Variants in DAB1 observed in about 807,000 individuals in gnomAD.
DAB1 encodes disabled homolog 1.
A neutral mutation model predicts 64.6 loss-of-function variants in DAB1; 15 were observed. The ratio of observed to expected loss-of-function variants is 0.23; its 90% CI spans 0.16 to 0.36. The LOEUF (loss-of-function observed/expected upper bound fraction) is 0.36. Among genes scored for constraint, DAB1 ranks in the 10% least tolerant of loss-of-function variants. The probability of loss-of-function intolerance (pLI) is 1.00; values close to 1 mark genes in which losing one functional copy is unlikely to be tolerated. For missense variants in DAB1, 596 were observed against 706.7 expected (o/e 0.84, Z 1.78); for synonymous variants, 235 against 251.9 (o/e 0.93, Z 0.64).
intron 7 of DAB1, among the ~76,000 whole-genome samples, chr1:57,460,821 A>G (rs1686756705): frequency 6.6e-6 from 1 of 152,180 alleles, no homozygotes; most frequent in African/African-American, 2.4e-5. Context: ...CAGTTCCCAC[A>G]TGTGGCCAGA....
At chr1:58,254,412 C>CT (rs1490122401) in intron 4 of DAB1, among the ~76,000 whole-genome samples, 2 of 141,846 alleles carry the variant, frequency 1.4e-5, no homozygotes, top group Non-Finnish European at 3.0e-5. Flanking sequence ...TTTTATTATA[C>CT]TTTAAGTTTT....
intron 2 of DAB1, among the ~76,000 whole-genome samples, chr1:57,276,620 G>A (rs1279304035): frequency 1.4e-4 from 21 of 152,168 alleles, no homozygotes; most frequent in African/African-American, 4.6e-4. Flanking sequence ...TTCCTTTCAC[G>A]GGAGGATAGG....
At chr1:57,134,776 G>C (rs1004516997) in intron 4 of DAB1, among the ~76,000 whole-genome samples, 1 of 152,106 alleles carries the variant, frequency 6.6e-6, no homozygotes, top group Non-Finnish European at 1.5e-5. Flanking sequence ...AGACCGCCTA[G>C]GTTCTAATCC....
intron 5 of DAB1, among the ~76,000 whole-genome samples, chr1:58,107,303 CAA>C (rs960763989): frequency 5.4e-4 from 38 of 70,862 alleles, no homozygotes; most frequent in African/African-American, 1.2e-3. Flanking sequence ...ACTAAAAATA[CAA>C]AAAAAAAAAA....
At chr1:58,341,951 A>G (rs890052114) in intron 4 of DAB1, among the ~76,000 whole-genome samples, 3 of 152,162 alleles carry the variant, frequency 2.0e-5, no homozygotes, top group Non-Finnish European at 2.9e-5. Context: ...TCCAGCATCT[A>G]AGATATATAG....
chr1:58,419,432 C>T (rs1309078753), intron 3 of DAB1, among the ~76,000 whole-genome samples: 1 of 152,144 alleles, frequency 6.6e-6, no homozygotes, highest in Non-Finnish European at 1.5e-5. Flanking sequence ...GACCATCATC[C>T]ATCACCATTG....
chr1:57,710,649 T>G (rs535640486), intron 6 of DAB1, among the ~76,000 whole-genome samples: 60 of 151,434 alleles, frequency 4.0e-4, no homozygotes, highest in Admixed American at 1.3e-3. Flanking sequence ...CTGTTTTTTT[T>G]GGGGGGGGGA....
At chr1:57,328,418 G>C (rs1676365885) in intron 1 of DAB1, among the ~76,000 whole-genome samples, 1 of 152,160 alleles carries the variant, frequency 6.6e-6, no homozygotes, top group Non-Finnish European at 1.5e-5. Context: ...GGATGGATGA[G>C]AGATGCCCAC....
chr1:57,604,279 A>C (rs191840694), intron 7 of DAB1, among the ~76,000 whole-genome samples: 1 of 152,342 alleles, frequency 6.6e-6, no homozygotes, highest in African/African-American at 2.4e-5. Context: ...CATTTGTGAA[A>C]CCGAAAATAA....
intron 9 of DAB1, among the ~76,000 whole-genome samples, chr1:57,033,836 G>A (rs1006124775): frequency 5.3e-5 from 8 of 152,208 alleles, no homozygotes; most frequent in African/African-American, 1.9e-4. Context: ...TTGCCCCGCA[G>A]TTACAGACAT....
At chr1:58,300,602 AAG>A (rs1415601253) in intron 4 of DAB1, among the ~76,000 whole-genome samples, 2 of 39,294 alleles carry the variant, frequency 5.1e-5, no homozygotes, top group Non-Finnish European at 1.1e-4. Flanking sequence ...GAAAGAAAGA[AAG>A]AAAGAAAGAG....
At chr1:58,230,578 G>C (rs1231175403) in intron 4 of DAB1, among the ~76,000 whole-genome samples, 2 of 152,102 alleles carry the variant, frequency 1.3e-5, no homozygotes, top group Non-Finnish European at 2.9e-5. Context: ...AGGACAAAGG[G>C]GCACCCTCTT....
chr1:57,033,248 C>T, intron 9 of DAB1: 3 of 883,440 alleles, frequency 3.4e-6, no homozygotes, highest in Middle Eastern at 3.0e-4. Flanking sequence ...AATAGTCTTC[C>T]TGGGGACATT....
chr1:57,001,136 T>G (rs775630817), intron 14 of DAB1, among the ~76,000 whole-genome samples: 10 of 152,206 alleles, frequency 6.6e-5, no homozygotes, highest in African/African-American at 9.7e-5. Context: ...TTATGGAATC[T>G]TAGACTGTCA....
intron 9 of DAB1, among the ~76,000 whole-genome samples, chr1:57,052,741 G>A (rs1234870673): frequency 1.3e-5 from 2 of 152,070 alleles, no homozygotes; most frequent in African/African-American, 4.8e-5. Flanking sequence ...TGTCCACTAG[G>A]GCAATCCCCT....
At chr1:57,957,088 A>C (rs4412616) in intron 5 of DAB1, among the ~76,000 whole-genome samples, 58,463 of 152,108 alleles carry the variant, frequency 0.38, 12,759 homozygotes, top group Admixed American at 0.5. Flanking sequence ...AAATTTTGAA[A>C]GGAGGAGCAT....
At chr1:57,329,233 G>A (rs554397518) in intron 1 of DAB1, among the ~76,000 whole-genome samples, 7 of 152,236 alleles carry the variant, frequency 4.6e-5, no homozygotes, top group South Asian at 2.1e-4. Flanking sequence ...AATTAGTGCC[G>A]CAAGAGGAGC....
intron 3 of DAB1, among the ~76,000 whole-genome samples, chr1:58,429,097 T>C (rs2100236338): frequency 6.6e-6 from 1 of 152,308 alleles, no homozygotes; most frequent in Middle Eastern, 3.4e-3. Flanking sequence ...TAAAAGTATA[T>C]AGTACACAAT....
chr1:58,366,470 A>C (rs1486208206), intron 3 of DAB1, among the ~76,000 whole-genome samples: 3 of 152,212 alleles, frequency 2.0e-5, no homozygotes, highest in African/African-American at 7.2e-5. Context: ...CTCTGTGCAT[A>C]TGTATGCATC....
Sources: gnomAD v4.1 joint callset for allele counts (sites outside exome capture counted in the v4.1 genomes callset) on GRCh38, gnomAD v4.1.1 for gene constraint, MANE v1.5 for transcripts, NCBI Gene and HGNC (gene_info 2026-07-23, HGNC 2026-07-21) for gene names.